The following TTBK2 variants were observed in gnomAD, a reference collection of about 807,000 sequenced individuals.
The protein encoded by TTBK2 is tau-tubulin kinase 2.
Under a neutral mutation model 110.8 loss-of-function variants are expected in TTBK2, and 28 were observed. That is an observed-to-expected ratio of 0.25 (90% CI 0.19 to 0.35). The LOEUF (loss-of-function observed/expected upper bound fraction) is 0.35, where lower values mean the gene tolerates loss of function less well. Among genes scored for constraint, TTBK2 ranks in the 10% least tolerant of loss-of-function variants. The pLI, the probability that TTBK2 is intolerant of heterozygous loss-of-function variation, is 1.00. For missense variants in TTBK2, 1,369 were observed against 1,500.3 expected, an observed-to-expected ratio of 0.91 and a Z score of 1.45; for synonymous variants, 532 against 527.3, an observed-to-expected ratio of 1.01 and a Z score of -0.12.
Position 42,763,176 on chromosome 15 carries a change from A to ATATG in TTBK2, c.1999-9930_1999-9929insCATA, listed in dbSNP as rs1389727644. Among the ~76,000 whole-genome samples the ATATG allele has an allele frequency of 4.2e-4, 7 of 16,476 alleles. No individual in the cohort carries two copies. The East Asian group carries it at 7.5e-3, about 18-fold the overall frequency. The allele number at this position is 16,476 out of a possible 152,430, so 10.8% of individuals were successfully genotyped here. A position where few individuals can be genotyped will look rare whatever the true frequency, so the allele number is the denominator to read the frequency against. ...TATATACATATATATATATATATAT[A>ATATG]TATATATATATATATATTTTTTTTT... On this transcript the variant is annotated intron_variant, in intron 13 of 14. Coordinates refer to ENST00000267890, the MANE Select transcript of TTBK2 (RefSeq NM_173500.4).
intron 3 of TTBK2, among the ~76,000 whole-genome samples, chr15:42,848,917 G>C (rs1893580990): frequency 6.6e-6 from 1 of 152,136 alleles, no homozygotes; most frequent in South Asian, 2.1e-4. Flanking sequence ...TTTGTGGCCT[G>C]ATCTTGTATC....
At chr15:42,902,308 G>A (rs957668965) in intron 1 of TTBK2, among the ~76,000 whole-genome samples, 1 of 151,182 alleles carries the variant, frequency 6.6e-6, no homozygotes, top group Non-Finnish European at 1.5e-5. Context: ...ATCACCTCAG[G>A]TCTGGAGTTT....
At chr15:42,898,232 A>C (rs1269451112) in intron 1 of TTBK2, among the ~76,000 whole-genome samples, 3 of 152,056 alleles carry the variant, frequency 2.0e-5, no homozygotes, top group Non-Finnish European at 4.4e-5. Flanking sequence ...TTTTGCCATA[A>C]CTGATCCATG....
rs572135841 is a variant in TTBK2, at chr15:42,739,652, T to C, written c.*6143A>G. On this transcript the variant is annotated 3_prime_UTR_variant, in exon 15 of 15. Coordinates refer to ENST00000267890, the MANE Select transcript of TTBK2 (RefSeq NM_173500.4). ...CAAGTGGGCCAGTGTTACCTTTATC[T>C]TCCCATCTTTGTATTTCTGAAAGCT... The C allele has an allele frequency of 6.6e-6, 1 of 152,382 alleles. No homozygotes were observed. The highest frequency in any genetic ancestry group is 1.9e-4 in the East Asian group (1 of 5,190). The allele number at this position is 152,382 out of a possible 1,614,324, so 9.4% of individuals were successfully genotyped here.
intron 1 of TTBK2, among the ~76,000 whole-genome samples, chr15:42,903,208 T>C (rs1348566157): frequency 2.0e-5 from 3 of 152,098 alleles, no homozygotes; most frequent in South Asian, 2.1e-4. Flanking sequence ...CCACTTATAA[T>C]AGGTATCTAG....
intron 3 of TTBK2, among the ~76,000 whole-genome samples, chr15:42,844,073 C>A (rs1292058600): frequency 6.6e-6 from 1 of 152,114 alleles, no homozygotes; most frequent in South Asian, 2.1e-4. Flanking sequence ...CCTCAATGAG[C>A]CACACTGCAA....
At position 42,901,223 on chromosome 15, in the gene TTBK2, G is replaced by A. The variant is rs150316748; in HGVS notation, c.-68+19215C>T. Among the ~76,000 whole-genome samples, 798 of 151,750 alleles carry A rather than the reference G, an allele frequency of 5.3e-3. 13 individuals carry two copies. The East Asian group carries it at 0.057, about 11-fold the overall frequency. Reference sequence around the variant, plus strand: ...TAAAAATACAAAAAATTAGCCGGGCGTGGTGGTGCATGCCTGTAATCCCAG... The same window carrying A: ...TAAAAATACAAAAAATTAGCCGGGCATGGTGGTGCATGCCTGTAATCCCAG... On this transcript the variant is annotated intron_variant, in intron 1 of 14. Transcript: ENST00000267890.
chr15:42,783,651 G>GA lies in TTBK2; in HGVS notation c.981-17dup, dbSNP rs759587376. The GA allele has an allele frequency of 1.8e-5, 29 of 1,575,542 alleles. No homozygotes were observed. Among genetic ancestry groups the GA allele is most frequent in the Non-Finnish European group, 2.2e-5 (26 of 1,156,012 alleles). ...ATTGGCAATTCTACATATGAAGGGA[G>GA]AAAAAAAAGGCAAGAATCAAAAATT... On this transcript the variant is annotated splice_polypyrimidine_tract_variant and intron_variant, in intron 10 of 14. Transcript: ENST00000267890.
At chr15:42,809,127 C>T (rs189989431) in intron 9 of TTBK2, among the ~76,000 whole-genome samples, 1 of 152,296 alleles carries the variant, frequency 6.6e-6, no homozygotes, top group African/African-American at 2.4e-5. Context: ...TTCAATTATC[C>T]TTCTCCTGTC....
chr15:42,784,812 G>C (rs1435898479), intron 10 of TTBK2, among the ~76,000 whole-genome samples: 1 of 152,116 alleles, frequency 6.6e-6, no homozygotes, highest in East Asian at 1.9e-4. Context: ...ATTGGCATCA[G>C]AGAAGCTTTT....
chr15:42,769,453 T>C (rs897602735), intron 13 of TTBK2, among the ~76,000 whole-genome samples: 1 of 150,728 alleles, frequency 6.6e-6, no homozygotes, highest in Non-Finnish European at 1.5e-5. Flanking sequence ...GCAAAGGATA[T>C]GAACAGACAC....
At chr15:42,831,916 T>C (rs567522396) in intron 4 of TTBK2, among the ~76,000 whole-genome samples, 3 of 152,194 alleles carry the variant, frequency 2.0e-5, no homozygotes, top group South Asian at 2.1e-4. Flanking sequence ...CTAAAGACAA[T>C]TGATTCACTT....
chr15:42,796,500 A>G (rs550575325), intron 9 of TTBK2, among the ~76,000 whole-genome samples: 11 of 152,348 alleles, frequency 7.2e-5, no homozygotes, highest in African/African-American at 2.4e-4. Flanking sequence ...TATAGCCTAG[A>G]GTACTCCAAT....
intron 3 of TTBK2, among the ~76,000 whole-genome samples, chr15:42,862,345 T>G (rs886836847): frequency 6.6e-6 from 1 of 152,064 alleles, no homozygotes; most frequent in Admixed American, 6.6e-5. Context: ...AACAAAATAC[T>G]AGCAAACCAA....
chr15:42,918,118 C>T (rs959784906), intron 1 of TTBK2, among the ~76,000 whole-genome samples: 2 of 152,026 alleles, frequency 1.3e-5, no homozygotes, highest in African/African-American at 4.8e-5. Flanking sequence ...CTCTGTCACC[C>T]AGCCTGGAGT....
At chr15:42,769,389 C>T (rs921895755) in intron 13 of TTBK2, among the ~76,000 whole-genome samples, 7 of 152,204 alleles carry the variant, frequency 4.6e-5, no homozygotes, top group African/African-American at 1.7e-4. Context: ...TATCCAAAAT[C>T]TACAAAGAAG....
chr15:42,796,131 C>T (rs924497399), intron 9 of TTBK2, among the ~76,000 whole-genome samples: 1 of 151,870 alleles, frequency 6.6e-6, no homozygotes. Context: ...TGGCCACGCA[C>T]GGTGGCTCAC....
Position 42,872,639 on chromosome 15 carries a change from C to T in TTBK2, c.189G>A (p.Met63Ile). 6.2e-7 allele frequency: 1 copy of T among 1,614,100 alleles called. No homozygotes were observed. Among genetic ancestry groups the T allele is most frequent in the African/African-American group, 1.3e-5 (1 of 75,026 alleles). The change falls in exon 3 of 15, where the codon ATG becomes ATA. Residue 63 changes from methionine (M) to isoleucine (I), a missense_variant. By Grantham distance (10) the Met-to-Ile change is conservative. Transcript: ENST00000267890. ...SAQQPKQVLK[M>I]EVAVLKKLQG... ...GCAGCTTTTTCAAAACAGCAACTTC[C>T]ATTTTCAGAACTTGTTTTGGTTGTT...
At chr15:42,901,395 G>A (rs1053738654) in intron 1 of TTBK2, among the ~76,000 whole-genome samples, 2 of 151,590 alleles carry the variant, frequency 1.3e-5, no homozygotes, top group Non-Finnish European at 2.9e-5. Flanking sequence ...AAAACATAGG[G>A]GTAATGTATT....
Sources: allele counts gnomAD v4.1 joint callset (sites outside exome capture counted in the v4.1 genomes callset), GRCh38; gene constraint gnomAD v4.1.1; transcripts MANE v1.5; gene names NCBI Gene and HGNC (gene_info 2026-07-23, HGNC 2026-07-21).